SLC22A2: variants seen among roughly 807,000 people sequenced by gnomAD.
The protein encoded by SLC22A2 is solute carrier family 22 member 2.
Under a neutral mutation model 60.5 loss-of-function variants are expected in SLC22A2, and 46 were observed. The ratio of observed to expected loss-of-function variants is 0.76; its 90% CI spans 0.60 to 0.97. SLC22A2 has a LOEUF of 0.97. Among genes scored for constraint, SLC22A2 ranks in the 50% least tolerant of loss-of-function variants. The pLI is 0.00. For missense variants in SLC22A2, 701 were observed against 706.6 expected (o/e 0.99, Z 0.09); for synonymous variants, 303 against 267.0 (o/e 1.13, Z -1.31).
intron 9 of SLC22A2, among the ~76,000 whole-genome samples, chr6:160,230,813 G>T (rs1350164051): frequency 1.4e-5 from 1 of 69,870 alleles, no homozygotes; most frequent in Admixed American, 2.1e-4. Flanking sequence ...CTGCAGCCTG[G>T]GCTTCCTCCT....
intron 4 of SLC22A2, 55 bp downstream of exon 4, chr6:160,249,161 T>G (rs1057484743): frequency 7.7e-7 from 1 of 1,298,782 alleles, no homozygotes; most frequent in African/African-American, 1.5e-5. Context: ...AAGGCAGACT[T>G]CTTAGCAGAA....
chr6:160,234,137 C>A (rs563567403), intron 9 of SLC22A2, among the ~76,000 whole-genome samples: 1 of 152,180 alleles, frequency 6.6e-6, no homozygotes, highest in Non-Finnish European at 1.5e-5. Flanking sequence ...CCGCCCCTGC[C>A]TGCCGAGAAC....
intron 9 of SLC22A2, among the ~76,000 whole-genome samples, chr6:160,240,407 G>A (rs1247100887): frequency 6.6e-6 from 1 of 152,148 alleles, no homozygotes; most frequent in Non-Finnish European, 1.5e-5. Flanking sequence ...AAATAAGCTT[G>A]CAATCAACAT....
chr6:160,224,962 A>G (rs1480004186), intron 9 of SLC22A2, among the ~76,000 whole-genome samples, 158 bp from the exon 10 acceptor site: 1 of 152,148 alleles, frequency 6.6e-6, no homozygotes, highest in African/African-American at 2.4e-5. Context: ...TTCCATTATA[A>G]ATATTATACC....
intron 7 of SLC22A2, 97 bp downstream of exon 7, chr6:160,243,475 T>C (rs963751002): frequency 2.1e-6 from 2 of 960,068 alleles, no homozygotes; most frequent in Admixed American, 3.7e-5. Flanking sequence ...CCAAATTGAT[T>C]TGGATGACAA....
In SLC22A2 at chr6:160,229,504, C is replaced by T. The variant is rs775733642; in HGVS notation, c.1502-4700G>A. On this transcript the variant is annotated intron_variant, in intron 9 of 10. Transcript: ENST00000366953. ...ACATTCCTTGGTGGCAAGTGAATTG[C>T]GGGGGCGCCTGCTTTGGCTGCTCAC... Among the ~76,000 whole-genome samples, 13 of 151,886 alleles carry T rather than the reference C, an allele frequency of 8.6e-5. 1 individual carries two copies. The highest frequency in any genetic ancestry group is 2.1e-4 in the South Asian group (1 of 4,818).
rs781590898 is a variant in SLC22A2 at position 160,258,499 on chromosome 6, T to C, written c.259A>G (p.Arg87Gly). The C allele has an allele frequency of 7.1e-5, 114 of 1,614,032 alleles. No homozygotes were observed. Among genetic ancestry groups the C allele is most frequent in the Non-Finnish European group, 9.3e-5 (110 of 1,180,026 alleles). Reference protein sequence around the residue: ...GPGPAGEASPRQCRRYEVDWN... With the variant: ...GPGPAGEASPGQCRRYEVDWN... ...TCCACCTCGTAGCGCCTACACTGTC[T>C]TGGGGAGGCTTCGCCCGCAGGTCCT... Residue 87 changes from arginine (R) to glycine (G), a missense_variant, in exon 1 of 11, where the codon AGA becomes GGA. Arg to Gly is a moderately radical substitution (Grantham distance 125, BLOSUM62 -2). Coordinates refer to ENST00000366953, the MANE Select transcript of SLC22A2 (RefSeq NM_003058.4).
At chr6:160,242,462 G>GGAGCACTGT in intron 7 of SLC22A2, 60 bp from the exon 8 acceptor site, 1 of 970,050 alleles carries the variant, frequency 1.0e-6, no homozygotes, top group Non-Finnish European at 1.7e-6. Flanking sequence ...TTCAGACAGT[G>GGAGCACTGT]CTCCAGAGTG....
intron 5 of SLC22A2, among the ~76,000 whole-genome samples, chr6:160,246,145 C>T (rs1005343941): frequency 7.9e-5 from 12 of 151,918 alleles, no homozygotes; most frequent in Non-Finnish European, 1.6e-4. Flanking sequence ...GGATTACAGG[C>T]ATGAGCCACT....
At chr6:160,236,851 C>G (rs1782919952) in intron 9 of SLC22A2, among the ~76,000 whole-genome samples, 2 of 151,956 alleles carry the variant, frequency 1.3e-5, no homozygotes, top group Admixed American at 1.3e-4. Flanking sequence ...AAACCCATGG[C>G]TGGGCTTGGC....
rs1783312038 is a variant in SLC22A2 at position 160,258,403 on chromosome 6, G to C, written c.355C>G (p.Leu119Val). 20 of 1,613,112 alleles carry C rather than the reference G, an allele frequency of 1.2e-5. No homozygotes were observed. The highest frequency in any genetic ancestry group is 1.7e-5 in the Non-Finnish European group (20 of 1,179,772). Residue 119 changes from leucine to valine, a missense_variant, in exon 1 of 11, where the codon CTG (leucine) becomes GTG (valine). By Grantham distance (32) the Leu-to-Val change is conservative. Coordinates refer to ENST00000366953, the MANE Select transcript of SLC22A2 (RefSeq NM_003058.4). Reference sequence around the variant, plus strand: ...ACCCAGCCGTCCCGGCAGGGGCCCAGTGGCAGGCGGCTCCTGTTGGTGTCC... The same window carrying C: ...ACCCAGCCGTCCCGGCAGGGGCCCACTGGCAGGCGGCTCCTGTTGGTGTCC... Reference protein sequence around the residue: ...SLDTNRSRLPLGPCRDGWVYE... With the variant: ...SLDTNRSRLPVGPCRDGWVYE...
chr6:160,241,640 T>G, intron 8 of SLC22A2, 54 bp from the exon 9 acceptor site: 1 of 1,106,610 alleles, frequency 9.0e-7, no homozygotes, highest in East Asian at 2.4e-5. Context: ...GCAGTAGTTA[T>G]CTCCCATCCA....
At chr6:160,242,269 G>T in intron 8 of SLC22A2, 25 bp downstream of exon 8, 1 of 1,254,912 alleles carries the variant, frequency 8.0e-7, no homozygotes, top group Non-Finnish European at 1.2e-6. Flanking sequence ...ACCCACCCTC[G>T]TCATTCTAAG....
chr6:160,256,844 T>A (rs1783280716), intron 1 of SLC22A2, 127 bp from the exon 2 acceptor site: 2 of 635,770 alleles, frequency 3.1e-6, no homozygotes, highest in Admixed American at 5.4e-5. Context: ...TATAGTTAAG[T>A]GGCAATAAGC....
chr6:160,246,134 G>C (rs896543028), intron 5 of SLC22A2, among the ~76,000 whole-genome samples: 1 of 151,880 alleles, frequency 6.6e-6, no homozygotes, highest in African/African-American at 2.4e-5. Context: ...CCAAAGTGCT[G>C]GGATTACAGG....
At chr6:160,255,019 G>C (rs932769165) in intron 2 of SLC22A2, among the ~76,000 whole-genome samples, 9 of 152,258 alleles carry the variant, frequency 5.9e-5, no homozygotes, top group African/African-American at 2.2e-4. Context: ...GGAGTGCAGA[G>C]AGAGTGAATG....
At chr6:160,222,865 A>C (rs1406399420) in intron 10 of SLC22A2, among the ~76,000 whole-genome samples, 1 of 152,234 alleles carries the variant, frequency 6.6e-6, no homozygotes, top group African/African-American at 2.4e-5. Flanking sequence ...TTTTAAAAAC[A>C]GATCCTGGAA....
At chr6:160,245,601 T>A in intron 5 of SLC22A2, 56 bp from the exon 6 acceptor site, 1 of 1,057,710 alleles carries the variant, frequency 9.5e-7, no homozygotes, top group Non-Finnish European at 1.4e-6. Flanking sequence ...TGTCCCTGGG[T>A]CACATAGGGA....
rs1266453660 is a variant in SLC22A2 at position 160,216,994 on chromosome 6, A to G, written c.*438T>C. The G allele has an allele frequency of 6.6e-6, 1 of 151,970 alleles. No homozygotes were observed. Among genetic ancestry groups the G allele is most frequent in the East Asian group, 1.9e-4 (1 of 5,224 alleles). 9.4% of individuals were successfully genotyped at this position (151,970 alleles called of 1,614,324 possible). The stretch of plus-strand genomic sequence containing the variant: ...CTAAAATTCTTGACATACATTCTGG[A>G]CAACTTTATATTGTTTTGGGTGTTT... On this transcript the variant is annotated 3_prime_UTR_variant, in exon 11 of 11. Transcript: ENST00000366953.
Sources: allele counts gnomAD v4.1 joint callset (sites outside exome capture counted in the v4.1 genomes callset), GRCh38; gene constraint gnomAD v4.1.1; transcripts MANE v1.5; gene names NCBI Gene and HGNC (gene_info 2026-07-23, HGNC 2026-07-21).